AGAP4: variants seen among roughly 807,000 people sequenced by gnomAD.
AGAP4 encodes arf-GAP with GTPase, ANK repeat and PH domain-containing protein 4.
AGAP4 carries 13 observed loss-of-function variants against 60.7 expected under a neutral mutation model. The ratio of observed to expected loss-of-function variants is 0.21; its 90% CI spans 0.14 to 0.34. The LOEUF (loss-of-function observed/expected upper bound fraction) is 0.34, where lower values mean the gene tolerates loss of function less well. Among genes scored for constraint, AGAP4 ranks in the 10% least tolerant of loss-of-function variants. AGAP4 has a pLI of 1.00. For synonymous variants in AGAP4, 70 were observed against 339.0 expected (o/e 0.21, Z 8.72); for missense variants, 169 against 884.0 (o/e 0.19, Z 10.26).
At chr10:45,839,329 TG>T (rs1169677739) in intron 4 of AGAP4, among the ~76,000 whole-genome samples, 1 of 115,728 alleles carries the variant, frequency 8.6e-6, no homozygotes, top group Non-Finnish European at 1.9e-5. Context: ...GGGTAAAATG[TG>T]AAAAAAAAAA....
chr10:45,853,462 A>G (rs2135981457), intron 1 of AGAP4, among the ~76,000 whole-genome samples: 1 of 151,856 alleles, frequency 6.6e-6, no homozygotes, highest in African/African-American at 2.4e-5. Context: ...TGCATTAGGT[A>G]CATGCTCCCT....
chr10:45,851,257 T>C (rs1256949188), upstream of AGAP4, among the ~76,000 whole-genome samples: 1 of 152,026 alleles, frequency 6.6e-6, no homozygotes, highest in Non-Finnish European at 1.5e-5. Context: ...TAAGTGAAGC[T>C]TGCAAAAGTG....
chr10:45,841,710 T>C (rs1157499827), intron 3 of AGAP4, 23 bp from the exon 4 acceptor site: 1 of 681,448 alleles, frequency 1.5e-6, no homozygotes, highest in Non-Finnish European at 2.4e-6. Context: ...AAAAAAAAAC[T>C]GGTCACTTCT....
intron 5 of AGAP4, among the ~76,000 whole-genome samples, chr10:45,832,382 A>C (rs1165774121): frequency 1.3e-5 from 2 of 149,924 alleles, no homozygotes; most frequent in African/African-American, 4.9e-5. Context: ...TTCTCGTCCT[A>C]AACTCAAATT....
chr10:45,836,937 G>A (rs1192082847), intron 4 of AGAP4, among the ~76,000 whole-genome samples: 2 of 149,554 alleles, frequency 1.3e-5, no homozygotes, highest in African/African-American at 5.0e-5. Flanking sequence ...GGTGATCTTG[G>A]CTCACTGCAA....
At chr10:45,839,344 A>G (rs1225960304) in intron 4 of AGAP4, among the ~76,000 whole-genome samples, 1 of 122,654 alleles carries the variant, frequency 8.2e-6, no homozygotes, top group Non-Finnish European at 1.8e-5. Context: ...AAAAAAAAAA[A>G]GCCAGCAAGG....
At chr10:45,840,147 G>C (rs2058893947) in intron 4 of AGAP4, among the ~76,000 whole-genome samples, 1 of 148,200 alleles carries the variant, frequency 6.7e-6, no homozygotes, top group Admixed American at 6.7e-5. Context: ...CTTAGAGAGA[G>C]AGATTCTAAA....
rs1260745615 is a variant in AGAP4, at chr10:45,844,505, C to T, written c.293-111G>A. 39 of 1,528,784 alleles carry T rather than the reference C, an allele frequency of 2.6e-5. No individual in the cohort carries two copies. The Middle Eastern group carries it at 7.1e-4, about 28-fold the overall frequency. 94.7% of individuals were successfully genotyped at this position (1,528,784 alleles called of 1,614,324 possible). On this transcript the variant is annotated intron_variant, in intron 2 of 7. Transcript: ENST00000616763. Reference sequence around the variant, plus strand: ...CTATTTCACTATCTCTACTTTGATTCTTATCCATTGAAATGAATGTATAGA... The same window carrying T: ...CTATTTCACTATCTCTACTTTGATTTTTATCCATTGAAATGAATGTATAGA...
chr10:45,853,665 G>A, exon 1 of AGAP4: 1 of 1,287,692 alleles, frequency 7.8e-7, no homozygotes, highest in South Asian at 1.2e-5. Flanking sequence ...CTCCAGAGGA[G>A]TCCAGTGGGT....
In AGAP4 at chr10:45,827,325, G is replaced by A; in HGVS notation, c.651C>T (p.Ser217=). Residue 217 remains serine, a synonymous_variant, in exon 8 of 8, where the codon TCC becomes TCT. Coordinates refer to ENST00000616763, the MANE Select transcript of AGAP4 (RefSeq NM_001276343.3). Reference sequence around the variant, plus strand: ...GGCTGGTGCTGGGAGTCGATGGAATGGAGGAGGAATAGTTATTTAAACTCC... The same window carrying A: ...GGCTGGTGCTGGGAGTCGATGGAATAGAGGAGGAATAGTTATTTAAACTCC... ...GGGSLNNYSS[S]IPSTPSTSQE... is the part of the protein sequence containing the mutation. 2 of 1,592,762 alleles carry A rather than the reference G, an allele frequency of 1.3e-6. No homozygotes were observed. Among genetic ancestry groups the A allele is most frequent in the Non-Finnish European group, 1.7e-6 (2 of 1,170,548 alleles).
At chr10:45,850,532 T>C (rs1564865730), upstream of AGAP4, among the ~76,000 whole-genome samples, 1 of 152,116 alleles carries the variant, frequency 6.6e-6, no homozygotes, top group Non-Finnish European at 1.5e-5. Flanking sequence ...CTGTCAGATG[T>C]GTGTGTAGTG....
upstream of AGAP4, among the ~76,000 whole-genome samples, chr10:45,848,118 ACTCCT>A (rs1371653968): frequency 6.6e-4 from 97 of 146,282 alleles, 1 homozygote; most frequent in Admixed American, 1.8e-3. Context: ...GTAACTAAAC[ACTCCT>A]CTCCTGTCTT....
intron 5 of AGAP4, 55 bp from the exon 6 acceptor site, chr10:45,831,484 G>T: frequency 1.9e-6 from 3 of 1,578,436 alleles, no homozygotes; most frequent in South Asian, 2.2e-5. Flanking sequence ...TAGGCCTGAA[G>T]ACATTTTTTA....
chr10:45,850,504 T>A (rs1454572255), upstream of AGAP4, among the ~76,000 whole-genome samples: 4 of 152,014 alleles, frequency 2.6e-5, no homozygotes, highest in East Asian at 5.8e-4. Flanking sequence ...CATTGAACCA[T>A]GAAAAGGTGA....
chr10:45,838,131 T>C (rs1229682090), intron 4 of AGAP4, among the ~76,000 whole-genome samples: 7,928 of 149,618 alleles, frequency 0.053, 290 homozygotes, highest in Non-Finnish European at 0.075. Context: ...AAGGAATAAA[T>C]TCATGGCATT....
intron 6 of AGAP4, among the ~76,000 whole-genome samples, chr10:45,828,686 CTTTTTTTTTTTTTTTT>C (rs1229743163): frequency 2.4e-5 from 1 of 41,358 alleles, no homozygotes; most frequent in African/African-American, 1.1e-4. Context: ...CATAACTGTT[CTTTTTTTTTTTTTTTT>C]TTTTTTTTTT....
At position 45,846,460 on chromosome 10, in the gene AGAP4, A is replaced by T. The variant is rs1454269912; in HGVS notation, c.292+227T>A. 5.9e-5 allele frequency among the ~76,000 whole-genome samples: 9 copies of T among 152,020 alleles called. No homozygotes were observed. In the East Asian group the frequency reaches 1.2e-3, roughly 20 times the overall value. ...TAAATAAGAAATCCCCAAATATTTG[A>T]ATAGGAACTGTCTTGAGATTTGGCT... On this transcript the variant is annotated intron_variant, in intron 2 of 7. Transcript: ENST00000616763.
At chr10:45,846,244 A>C (rs2058997615) in intron 2 of AGAP4, among the ~76,000 whole-genome samples, 1 of 151,258 alleles carries the variant, frequency 6.6e-6, no homozygotes. Context: ...CACACACACA[A>C]CCATTTTTCT....
At chr10:45,831,811 C>T (rs2058736122) in intron 5 of AGAP4, among the ~76,000 whole-genome samples, 1 of 131,116 alleles carries the variant, frequency 7.6e-6, no homozygotes, top group Non-Finnish European at 1.7e-5. Flanking sequence ...GCCATCTTGA[C>T]TCCTCACAAC....
Sources: gnomAD v4.1 joint callset for allele counts (sites outside exome capture counted in the v4.1 genomes callset) on GRCh38, gnomAD v4.1.1 for gene constraint, MANE v1.5 for transcripts, NCBI Gene and HGNC (gene_info 2026-07-23, HGNC 2026-07-21) for gene names.